Variants in RIGI observed in about 807,000 individuals in gnomAD.
The protein encoded by RIGI is antiviral innate immune response receptor RIG-I.
At chr9:32,489,150 T>C in the RIGI span, among the ~76,000 whole-genome samples, 1 of 152,060 alleles carries the variant, frequency 6.6e-6, no homozygotes, top group Non-Finnish European at 1.5e-5. Flanking sequence ...GAAAATACAT[T>C]AAATACATTA....
the RIGI span, among the ~76,000 whole-genome samples, chr9:32,476,038 C>T: frequency 1.3e-5 from 2 of 151,902 alleles, no homozygotes; most frequent in Non-Finnish European, 1.5e-5. Context: ...CTCACCAAGG[C>T]AGTTACAGAT....
At chr9:32,481,265 G>A in the RIGI span, 11 of 1,441,992 alleles carry the variant, frequency 7.6e-6, no homozygotes, top group African/African-American at 1.0e-4. Flanking sequence ...AGAAGTTGAT[G>A]TTATCTTGGC....
At chr9:32,477,458 C>T in the RIGI span, among the ~76,000 whole-genome samples, 1 of 152,050 alleles carries the variant, frequency 6.6e-6, no homozygotes, top group Non-Finnish European at 1.5e-5. Flanking sequence ...AACCTAAGTA[C>T]CCAACAATAG....
chr9:32,494,045 C>T, the RIGI span: 1 of 870,144 alleles, frequency 1.1e-6, no homozygotes, highest in East Asian at 2.9e-5. Flanking sequence ...TGGTAGAATT[C>T]AAAAAATATC....
At chr9:32,488,084 C>T in the RIGI span, 8 of 1,613,996 alleles carry the variant, frequency 5.0e-6, no homozygotes, top group African/African-American at 1.1e-4. Context: ...TGGAATCGTT[C>T]CCTTTTTAAG....
chr9:32,477,480 A>T, the RIGI span, among the ~76,000 whole-genome samples: 1 of 152,218 alleles, frequency 6.6e-6, no homozygotes, highest in African/African-American at 2.4e-5. Flanking sequence ...GAAACAGTTC[A>T]AAAGATCATG....
chr9:32,465,668 T>G, the RIGI span, among the ~76,000 whole-genome samples: 2 of 152,230 alleles, frequency 1.3e-5, no homozygotes, highest in African/African-American at 4.8e-5. Context: ...GAACTGGGAT[T>G]TGAACCATGG....
chr9:32,456,894 T>C, the RIGI span: 3 of 485,384 alleles, frequency 6.2e-6, no homozygotes, highest in South Asian at 6.2e-5. Flanking sequence ...GAAATGAGGC[T>C]TTTTAATTTT....
the RIGI span, chr9:32,493,701 CAGA>C: frequency 8.8e-7 from 1 of 1,138,904 alleles, no homozygotes; most frequent in Non-Finnish European, 1.3e-6. Flanking sequence ...GTATAGAAAA[CAGA>C]AGACCTTCCC....
the RIGI span, among the ~76,000 whole-genome samples, chr9:32,499,429 G>A: frequency 1.4e-5 from 2 of 142,314 alleles, no homozygotes; most frequent in Non-Finnish European, 3.0e-5. Context: ...GTTAGCGTTT[G>A]TTTTTTAAAT....
the RIGI span, among the ~76,000 whole-genome samples, chr9:32,505,617 C>A: frequency 6.6e-6 from 1 of 152,098 alleles, no homozygotes; most frequent in Non-Finnish European, 1.5e-5. Context: ...CCTCTAGAAA[C>A]CATCCTTCTA....
chr9:32,470,880 C>T, the RIGI span, among the ~76,000 whole-genome samples: 109 of 152,254 alleles, frequency 7.2e-4, no homozygotes, highest in African/African-American at 2.5e-3. Context: ...TTAACCCATT[C>T]GATAAAAGCT....
the RIGI span, among the ~76,000 whole-genome samples, chr9:32,521,848 G>GA: frequency 2.6e-5 from 4 of 151,420 alleles, no homozygotes; most frequent in East Asian, 3.9e-4. Flanking sequence ...TATGCCAACA[G>GA]AAAAAAAAAT....
At chr9:32,457,233 A>C in the RIGI span, 1 of 1,614,072 alleles carries the variant, frequency 6.2e-7, no homozygotes, top group East Asian at 2.2e-5. Flanking sequence ...CAAAACTTTC[A>C]ATTTTTATAA....
the RIGI span, chr9:32,500,960 G>A: frequency 6.2e-7 from 1 of 1,611,632 alleles, no homozygotes; most frequent in Non-Finnish European, 8.5e-7. Flanking sequence ...AAGCAAAAAT[G>A]ACTCATCAAA....
chr9:32,524,596 G>GTTTC, the RIGI span, among the ~76,000 whole-genome samples: 1 of 67,580 alleles, frequency 1.5e-5, no homozygotes, highest in Non-Finnish European at 2.8e-5. Flanking sequence ...TTGTTTTTCG[G>GTTTC]TTTTTTTTTT....
chr9:32,514,972 C>T, the RIGI span, among the ~76,000 whole-genome samples: 1 of 152,018 alleles, frequency 6.6e-6, no homozygotes, highest in Non-Finnish European at 1.5e-5. Flanking sequence ...TACATAAATA[C>T]CTGGCTAAAT....
the RIGI span, chr9:32,457,145 C>T: frequency 6.2e-7 from 1 of 1,613,452 alleles, no homozygotes; most frequent in South Asian, 1.1e-5. Context: ...TCTGCTGGAT[C>T]AAATGGTATC....
the RIGI span, among the ~76,000 whole-genome samples, chr9:32,482,187 T>TTGTGTGTG: frequency 0.018 from 2,591 of 145,032 alleles, 67 homozygotes; most frequent in African/African-American, 0.06. Flanking sequence ...GTGTGTTTGT[T>TTGTGTGTG]TGTGTGTGTG....
Sources: gnomAD v4.1 joint callset for allele counts (sites outside exome capture counted in the v4.1 genomes callset) on GRCh38, gnomAD v4.1.1 for gene constraint, MANE v1.5 for transcripts, NCBI Gene and HGNC (gene_info 2026-07-23, HGNC 2026-07-21) for gene names.